PDE10A: variants seen among roughly 807,000 people sequenced by gnomAD.
The protein encoded by PDE10A is cAMP and cAMP-inhibited cGMP 3',5'-cyclic phosphodiesterase 10A.
PDE10A carries 39 observed loss-of-function variants against 97.7 expected under a neutral mutation model. The observed-to-expected ratio is 0.40, with a 90% CI of 0.31 to 0.52. PDE10A has a LOEUF of 0.52. Ranked by LOEUF, PDE10A falls within the 20% of genes least tolerant of loss-of-function variation. The pLI, the probability that PDE10A is intolerant of heterozygous loss-of-function variation, is 0.56. For synonymous variants in PDE10A, 371 were observed against 376.8 expected (o/e 0.98, Z 0.18); for missense variants, 731 against 1,047.8 (o/e 0.70, Z 4.17).
chr6:165,980,259 C>A (rs1256110491), intron 1 of PDE10A, among the ~76,000 whole-genome samples: 1 of 152,210 alleles, frequency 6.6e-6, no homozygotes, highest in East Asian at 1.9e-4. Flanking sequence ...AAGAAAATTA[C>A]AGCAGGTATG....
chr6:165,550,599 G>T (rs1783964720), intron 1 of PDE10A, among the ~76,000 whole-genome samples: 1 of 152,204 alleles, frequency 6.6e-6, no homozygotes, highest in Non-Finnish European at 1.5e-5. Context: ...GATGGGCATT[G>T]CTGTTTAATC....
chr6:165,914,825 C>G (rs369107871), intron 1 of PDE10A, among the ~76,000 whole-genome samples: 2 of 152,298 alleles, frequency 1.3e-5, no homozygotes, highest in African/African-American at 4.8e-5. Flanking sequence ...GTATCTTAAA[C>G]TATGTTTAAG....
intron 1 of PDE10A, among the ~76,000 whole-genome samples, chr6:165,812,469 A>C (rs532119266): frequency 3.3e-5 from 5 of 152,340 alleles, no homozygotes; most frequent in Non-Finnish European, 7.3e-5. Flanking sequence ...GTATCTTAAA[A>C]GTCTAGGTGA....
rs780351113 is a variant in PDE10A at position 165,379,226 on chromosome 6, G to A, written c.2751C>T (p.Thr917=). ...NRKQLEEMYQ[T]GSLNLNNQSH... Reference sequence around the variant, plus strand: ...ATTGATTATTAAGGTTTAGTGATCCGGTCTGGTACATCTCTTCCAACTGCT... The same window carrying A: ...ATTGATTATTAAGGTTTAGTGATCCAGTCTGGTACATCTCTTCCAACTGCT... Residue 917 remains threonine, a synonymous_variant, in exon 18 of 22, where the codon ACC becomes ACT. Coordinates refer to ENST00000539869, the MANE Select transcript of PDE10A (RefSeq NM_001385079.1). The A allele has an allele frequency of 3.4e-5, 55 of 1,612,612 alleles. No homozygotes were observed. The highest frequency in any genetic ancestry group is 3.3e-4 in the Middle Eastern group (2 of 6,080).
intron 1 of PDE10A, among the ~76,000 whole-genome samples, chr6:165,750,946 G>A (rs928472583): frequency 6.6e-6 from 1 of 152,184 alleles, no homozygotes; most frequent in African/African-American, 2.4e-5. Flanking sequence ...ATGCTGAGAT[G>A]ACCCACCTTC....
chr6:165,496,735 A>T (rs932953258), intron 2 of PDE10A, among the ~76,000 whole-genome samples: 3 of 152,270 alleles, frequency 2.0e-5, no homozygotes, highest in African/African-American at 7.2e-5. Context: ...TAAGACACAG[A>T]TAATAATATT....
At chr6:165,422,867 T>C (rs573863289) in intron 10 of PDE10A, among the ~76,000 whole-genome samples, 1 of 151,994 alleles carries the variant, frequency 6.6e-6, no homozygotes, top group Non-Finnish European at 1.5e-5. Context: ...GAAAAATTAA[T>C]TTAAGAAACA....
chr6:165,560,827 T>C (rs1310283145), intron 1 of PDE10A, among the ~76,000 whole-genome samples: 1 of 152,078 alleles, frequency 6.6e-6, no homozygotes, highest in Admixed American at 6.5e-5. Flanking sequence ...TGGGGGCTGC[T>C]GAGAGGTGAC....
intron 1 of PDE10A, chr6:165,780,205 T>A (rs1778306578): frequency 6.6e-6 from 1 of 152,166 alleles, no homozygotes; most frequent in Non-Finnish European, 1.5e-5. Flanking sequence ...GCCTAATCAT[T>A]TAGTGTAAAA....
At chr6:165,944,839 AG>A (rs1047611755) in intron 1 of PDE10A, among the ~76,000 whole-genome samples, 97 of 152,286 alleles carry the variant, frequency 6.4e-4, no homozygotes, top group African/African-American at 1.8e-3. Flanking sequence ...TTGAAAAAAA[AG>A]TATCTTCTAT....
intron 1 of PDE10A, among the ~76,000 whole-genome samples, chr6:165,726,530 G>T (rs2128449792): frequency 6.7e-6 from 1 of 150,302 alleles, no homozygotes; most frequent in East Asian, 1.9e-4. Flanking sequence ...CCGAGCACCG[G>T]GGGAGAGGAG....
At chr6:165,583,603 A>G (rs1450186473) in intron 1 of PDE10A, among the ~76,000 whole-genome samples, 1 of 152,230 alleles carries the variant, frequency 6.6e-6, no homozygotes, top group Non-Finnish European at 1.5e-5. Flanking sequence ...ACCCACGATC[A>G]TGGAATTCAC....
rs1328489529 is a variant in PDE10A, at chr6:165,327,793, T to C, written c.*5232A>G. 4 of 152,214 alleles carry C rather than the reference T, an allele frequency of 2.6e-5. No individual in the cohort carries two copies. Among genetic ancestry groups the C allele is most frequent in the Non-Finnish European group, 2.9e-5 (2 of 68,026 alleles). The allele number at this position is 152,214 out of a possible 1,614,324, so 9.4% of individuals were successfully genotyped here. A position where few individuals can be genotyped will look rare whatever the true frequency, so the allele number is the denominator to read the frequency against. On this transcript the variant is annotated 3_prime_UTR_variant, in exon 22 of 22. Coordinates refer to ENST00000539869, the MANE Select transcript of PDE10A (RefSeq NM_001385079.1). ...AACTTGAAATTCTTTCTCCTTCCAA[T>C]AGAGAGCCTATTAAAATTCTGGACA...
chr6:165,621,824 C>T (rs778638045), intron 1 of PDE10A, among the ~76,000 whole-genome samples: 186 of 151,660 alleles, frequency 1.2e-3, no homozygotes, highest in Non-Finnish European at 2.2e-3. Context: ...ATCCTTGGAA[C>T]AAAAGTTTCT....
intron 1 of PDE10A, among the ~76,000 whole-genome samples, chr6:165,938,994 G>T (rs1783427862): frequency 6.6e-6 from 1 of 152,150 alleles, no homozygotes; most frequent in African/African-American, 2.4e-5. Context: ...CCATCAATAG[G>T]AGAATGGCTG....
chr6:165,623,044 C>T (rs1433382088), intron 1 of PDE10A, among the ~76,000 whole-genome samples: 1 of 152,238 alleles, frequency 6.6e-6, no homozygotes. Context: ...CTGAGGCCCA[C>T]CCAGAAGCTG....
chr6:165,447,287 T>C (rs1246879706), intron 5 of PDE10A, among the ~76,000 whole-genome samples: 1 of 152,290 alleles, frequency 6.6e-6, no homozygotes, highest in South Asian at 2.1e-4. Context: ...GACCAGCCTG[T>C]AGAGGCAGCC....
In PDE10A at chr6:165,793,746, C is replaced by G. The variant is rs555153374; in HGVS notation, c.-615+193783G>C. ...ACAGGGGCTGGCATTGCCACTTTGC[C>G]TTCGGCTTGTAGTTCTCTGATACTC... is the stretch of plus-strand genomic sequence containing the variant. On this transcript the variant is annotated intron_variant, in intron 1 of 19. Transcript: ENST00000366882. Among the ~76,000 whole-genome samples, 21 of 152,324 alleles carry G rather than the reference C, an allele frequency of 1.4e-4. No homozygotes were observed. The South Asian group carries it at 3.7e-3, about 27-fold the overall frequency.
intron 1 of PDE10A, among the ~76,000 whole-genome samples, chr6:165,735,797 T>C (rs923486257): frequency 2.0e-5 from 3 of 152,250 alleles, no homozygotes; most frequent in African/African-American, 7.2e-5. Flanking sequence ...TGCAGACTTA[T>C]GTGGAACCAA....
Sources: gnomAD v4.1 joint callset for allele counts (sites outside exome capture counted in the v4.1 genomes callset) on GRCh38, gnomAD v4.1.1 for gene constraint, MANE v1.5 for transcripts, NCBI Gene and HGNC (gene_info 2026-07-23, HGNC 2026-07-21) for gene names.